The following UNC79 variants were observed in gnomAD, a reference collection of about 807,000 sequenced individuals.
UNC79 encodes the protein protein unc-79 homolog.
Under a neutral mutation model 283.1 loss-of-function variants are expected in UNC79, and 37 were observed. That is an observed-to-expected ratio of 0.13 (90% confidence interval 0.10 to 0.17). The LOEUF (loss-of-function observed/expected upper bound fraction) is 0.17. Among genes scored for constraint, UNC79 ranks in the 10% least tolerant of loss-of-function variants. The pLI is 1.00. For synonymous variants in UNC79, 1,107 were observed against 1,200.2 expected, an observed-to-expected ratio of 0.92 and a Z score of 1.61; for missense variants, 2,272 against 3,211.1, an observed-to-expected ratio of 0.71 and a Z score of 7.07.
rs1445032756 is a variant in UNC79 at position 93,566,733 on chromosome 14, G to C, written c.1756-5161G>C. Reference sequence around the variant, plus strand: ...GCTCACTGCAACCTCTGCCTCCCGGGTTCAAGCGATTCTCCTGCCTCAGCC... The same window carrying C: ...GCTCACTGCAACCTCTGCCTCCCGGCTTCAAGCGATTCTCCTGCCTCAGCC... On this transcript the variant is annotated intron_variant, in intron 14 of 48. Transcript: ENST00000555664. Among the ~76,000 whole-genome samples, 4 of 151,530 alleles carry C rather than the reference G, an allele frequency of 2.6e-5. 1 individual carries two copies. The highest frequency in any genetic ancestry group is 4.9e-5 in the African/African-American group (2 of 41,236).
chr14:93,568,258 T>C (rs1223896569), intron 14 of UNC79, among the ~76,000 whole-genome samples: 1 of 152,146 alleles, frequency 6.6e-6, no homozygotes, highest in Non-Finnish European at 1.5e-5. Flanking sequence ...TGGGAATGCG[T>C]GAAAGAATGC....
chr14:93,563,278 G>C (rs1047967828), intron 14 of UNC79, among the ~76,000 whole-genome samples: 1 of 152,190 alleles, frequency 6.6e-6, no homozygotes, highest in Non-Finnish European at 1.5e-5. Flanking sequence ...ATCAGCAGAA[G>C]TGTTGCCCAG....
intron 16 of UNC79, among the ~76,000 whole-genome samples, chr14:93,574,438 G>A (rs527675212): frequency 6.6e-5 from 10 of 152,294 alleles, no homozygotes; most frequent in East Asian, 1.9e-4. Flanking sequence ...AAATGGGACC[G>A]GAAATAGTCC....
chr14:93,657,066 C>T (rs577992065), intron 38 of UNC79, among the ~76,000 whole-genome samples: 3 of 152,288 alleles, frequency 2.0e-5, no homozygotes, highest in East Asian at 3.9e-4. Context: ...CTGCTTTGAG[C>T]TTTGAGTTAC....
At chr14:93,494,999 T>A (rs1461812598) in intron 5 of UNC79, among the ~76,000 whole-genome samples, 1 of 152,102 alleles carries the variant, frequency 6.6e-6, no homozygotes, top group Non-Finnish European at 1.5e-5. Flanking sequence ...AAAAGTCTCC[T>A]GGTGTACCTC....
At chr14:93,674,956 T>C (rs2073205899) in intron 41 of UNC79, among the ~76,000 whole-genome samples, 1 of 152,234 alleles carries the variant, frequency 6.6e-6, no homozygotes, top group African/African-American at 2.4e-5. Flanking sequence ...CGTGGATTAC[T>C]GTAACAGCTC....
intron 1 of UNC79, among the ~76,000 whole-genome samples, chr14:93,372,942 A>G (rs2054483312): frequency 1.3e-5 from 2 of 152,372 alleles, no homozygotes; most frequent in Admixed American, 6.5e-5. Flanking sequence ...ACAAGTTCAA[A>G]AGGATAGAAA....
chr14:93,513,158 T>C (rs2059903939), intron 7 of UNC79, among the ~76,000 whole-genome samples: 1 of 151,716 alleles, frequency 6.6e-6, no homozygotes, highest in Non-Finnish European at 1.5e-5. Context: ...TACATATTTT[T>C]GTTTTTTTGT....
intron 1 of UNC79, among the ~76,000 whole-genome samples, chr14:93,366,719 C>T (rs548720687): frequency 6.6e-5 from 10 of 151,730 alleles, no homozygotes; most frequent in South Asian, 4.2e-4. Flanking sequence ...ATCATAGGCG[C>T]GCAACACCAC....
chr14:93,362,686 G>T (rs1359244732), intron 1 of UNC79, among the ~76,000 whole-genome samples: 1 of 152,094 alleles, frequency 6.6e-6, no homozygotes, highest in African/African-American at 2.4e-5. Flanking sequence ...TTTGTTCAGG[G>T]TTCCAATTTA....
exon 23 of UNC79, chr14:93,593,743 C>T (rs759420216): frequency 6.2e-7 from 1 of 1,614,124 alleles, no homozygotes; most frequent in Non-Finnish European, 8.5e-7. Flanking sequence ...CTCTTCTCCT[C>T]CATGCCCTGT....
rs559781125 is a variant in UNC79 at position 93,401,384 on chromosome 14, A to G, written c.-350-66287A>G. Among the ~76,000 whole-genome samples, 3 of 152,248 alleles carry G rather than the reference A, an allele frequency of 2.0e-5. No individual in the cohort carries two copies. The East Asian group carries it at 5.8e-4, about 29-fold the overall frequency. Reference sequence around the variant, plus strand: ...TACATGTTTTGAGCCTTTAACTCACAGTAATGATAGATAAATCATCACTGA... The same window carrying G: ...TACATGTTTTGAGCCTTTAACTCACGGTAATGATAGATAAATCATCACTGA... On this transcript the variant is annotated intron_variant, in intron 1 of 49. Coordinates refer to the UNC79 transcript ENST00000256339.
exon 16 of UNC79, chr14:93,572,800 C>G (rs536261673): frequency 2.5e-6 from 4 of 1,613,456 alleles, no homozygotes; most frequent in East Asian, 2.2e-5. Flanking sequence ...CAGGAGCAAG[C>G]TTTACTGTGG....
intron 1 of UNC79, among the ~76,000 whole-genome samples, chr14:93,336,767 G>T (rs1231298988): frequency 6.6e-6 from 1 of 152,182 alleles, no homozygotes; most frequent in African/African-American, 2.4e-5. Flanking sequence ...ATGAAGACAA[G>T]ATTCATAGAT....
chr14:93,467,533 A>G, intron 1 of UNC79, 138 bp from the exon 2 acceptor site: 6 of 1,040,518 alleles, frequency 5.8e-6, no homozygotes, highest in Non-Finnish European at 7.3e-6. Flanking sequence ...TGTTTCTTAA[A>G]ATACTGATTA....
intron 7 of UNC79, among the ~76,000 whole-genome samples, chr14:93,512,759 G>C (rs1375281284): frequency 6.6e-6 from 1 of 151,844 alleles, no homozygotes; most frequent in East Asian, 1.9e-4. Context: ...ATCTCTCTCT[G>C]GGAATTTTCA....
Position 93,690,316 on chromosome 14 carries a change from T to C in UNC79, c.7272+13T>C. On this transcript the variant is annotated intron_variant, in intron 45 of 48. Coordinates refer to ENST00000555664, the Ensembl canonical transcript of UNC79. The surrounding 1 kb of genome is among the most constrained non-coding windows in gnomAD (Gnocchi z 4.3). ...AGAGCAATCAAAGGTAAGTGATTTC[T>C]GCAAGATTAAGACCGTATGCATCGC... is the stretch of plus-strand genomic sequence containing the variant. 2.5e-6 allele frequency: 4 copies of C among 1,612,170 alleles called. No homozygotes were observed. Among genetic ancestry groups the C allele is most frequent in the Non-Finnish European group, 8.5e-7 (1 of 1,178,888 alleles).
intron 1 of UNC79, chr14:93,347,162 C>T (rs2053859558): frequency 1.5e-6 from 2 of 1,355,656 alleles, no homozygotes. Context: ...CCCCTCGTGG[C>T]TGGGGCGCCT....
At chr14:93,634,334 C>T (rs1003857418) in intron 31 of UNC79, among the ~76,000 whole-genome samples, 187 bp from the exon 34 acceptor site, 5 of 152,174 alleles carry the variant, frequency 3.3e-5, no homozygotes, top group African/African-American at 1.2e-4. Context: ...TTACCATCCT[C>T]ACTGTGTGAA....
Sources: allele counts gnomAD v4.1 joint callset (sites outside exome capture counted in the v4.1 genomes callset), GRCh38; gene constraint gnomAD v4.1.1; non-coding constraint Gnocchi (gnomAD v3.1); transcripts MANE v1.5; gene names NCBI Gene and HGNC (gene_info 2026-07-23, HGNC 2026-07-21).